Variants in PLXNC1 observed in about 807,000 individuals in gnomAD.
The protein encoded by PLXNC1 is plexin-C1.
A neutral mutation model predicts 178.2 loss-of-function variants in PLXNC1; 75 were observed. The observed-to-expected ratio is 0.42, with a 90% CI of 0.35 to 0.51. The LOEUF (loss-of-function observed/expected upper bound fraction) is 0.51. PLXNC1 is among the 20% of genes least tolerant of loss of function. The pLI, the probability that PLXNC1 is intolerant of heterozygous loss-of-function variation, is 0.02. For missense variants in PLXNC1, 1,503 were observed against 1,984.4 expected (o/e 0.76, Z 4.61); for synonymous variants, 790 against 779.9 (o/e 1.01, Z -0.22).
chr12:94,229,237 AT>A (rs1964026475), intron 9 of PLXNC1, among the ~76,000 whole-genome samples: 1 of 152,192 alleles, frequency 6.6e-6, no homozygotes, highest in Admixed American at 6.5e-5. Flanking sequence ...TCCTTTGCCC[AT>A]TTTTAAAATT....
At chr12:94,171,065 C>T (rs535632357) in intron 2 of PLXNC1, among the ~76,000 whole-genome samples, 38 of 152,324 alleles carry the variant, frequency 2.5e-4, no homozygotes, top group Non-Finnish European at 1.0e-4. Flanking sequence ...CCAACCAAAC[C>T]GCTACATGGT....
rs138251694 is a variant in PLXNC1 at position 94,161,246 on chromosome 12, C to T, written c.1063-7907C>T. 3.6e-3 allele frequency among the ~76,000 whole-genome samples: 554 copies of T among 152,236 alleles called. 1 individual carries two copies. Among genetic ancestry groups the T allele is most frequent in the Middle Eastern group, 0.017 (5 of 294 alleles). On this transcript the variant is annotated intron_variant, in intron 1 of 30. Transcript: ENST00000258526. ...GCATTTTATTTCAAAACTCATTTGA[C>T]TGGTTTATTTTGACAATAGGGAGTT...
At chr12:94,173,359 G>C (rs1234828997) in intron 2 of PLXNC1, among the ~76,000 whole-genome samples, 1 of 152,186 alleles carries the variant, frequency 6.6e-6, no homozygotes, top group African/African-American at 2.4e-5. Context: ...AGGTGGTAAA[G>C]TAAGTAATAA....
At chr12:94,181,651 A>C in intron 3 of PLXNC1, 71 bp downstream of exon 3, 2 of 1,322,240 alleles carry the variant, frequency 1.5e-6, no homozygotes, top group Non-Finnish European at 2.2e-6. Context: ...ATTATCTAGT[A>C]GCAAAGCTTT....
At chr12:94,167,913 AC>A (rs1214487185) in intron 1 of PLXNC1, 2 of 152,224 alleles carry the variant, frequency 1.3e-5, no homozygotes, top group Non-Finnish European at 2.9e-5. Context: ...TTGCAGCGCA[AC>A]CTCAACAAAG....
intron 15 of PLXNC1, among the ~76,000 whole-genome samples, chr12:94,252,126 G>A (rs892298756): frequency 1.3e-5 from 2 of 152,306 alleles, no homozygotes; most frequent in Admixed American, 6.5e-5. Flanking sequence ...AAATTGTGGT[G>A]ACAAATGTTC....
intron 9 of PLXNC1, among the ~76,000 whole-genome samples, chr12:94,232,475 T>G (rs1190655845): frequency 6.6e-6 from 1 of 152,140 alleles, no homozygotes; most frequent in African/African-American, 2.4e-5. Flanking sequence ...AAGAGTGAAA[T>G]TAAATTTCAC....
At chr12:94,206,667 T>A (rs942014990) in intron 4 of PLXNC1, among the ~76,000 whole-genome samples, 1 of 152,190 alleles carries the variant, frequency 6.6e-6, no homozygotes, top group Non-Finnish European at 1.5e-5. Flanking sequence ...TTGGGATAGA[T>A]CCTCAGTAGA....
chr12:94,217,392 A>G (rs1039077691), intron 5 of PLXNC1, among the ~76,000 whole-genome samples: 11 of 152,116 alleles, frequency 7.2e-5, no homozygotes, highest in African/African-American at 2.7e-4. Flanking sequence ...TCTGTAGACA[A>G]TCTTATTCAC....
intron 21 of PLXNC1, among the ~76,000 whole-genome samples, chr12:94,266,217 G>A (rs1965230951): frequency 6.6e-6 from 1 of 152,182 alleles, no homozygotes; most frequent in African/African-American, 2.4e-5. Flanking sequence ...GCGTGTTATG[G>A]TTATGTCCTC....
chr12:94,233,382 C>T (rs1964161327), intron 9 of PLXNC1, among the ~76,000 whole-genome samples: 1 of 152,186 alleles, frequency 6.6e-6, no homozygotes, highest in Admixed American at 6.5e-5. Flanking sequence ...AGCTGCCCTC[C>T]CTGGCCCTGG....
At chr12:94,233,672 G>C (rs985284081) in intron 9 of PLXNC1, among the ~76,000 whole-genome samples, 9 of 152,112 alleles carry the variant, frequency 5.9e-5, no homozygotes, top group Non-Finnish European at 1.2e-4. Flanking sequence ...TGTACCGAGG[G>C]GCCCCCGTGA....
At chr12:94,193,829 G>C (rs957657381) in intron 4 of PLXNC1, among the ~76,000 whole-genome samples, 1 of 152,102 alleles carries the variant, frequency 6.6e-6, no homozygotes, top group African/African-American at 2.4e-5. Flanking sequence ...AGTGTAGAAG[G>C]AGTGGCCTGT....
chr12:94,150,044 C>T lies in PLXNC1; in HGVS notation c.1062+11C>T, dbSNP rs564072845. ...GCCGAGAGCCACTGCGTAAGTCCTG[C>T]CCCCGGGGCGCCGCGGAGAGCGCTG... On this transcript the variant is annotated intron_variant, in intron 1 of 30. Coordinates refer to ENST00000258526, the MANE Select transcript of PLXNC1 (RefSeq NM_005761.3). The T allele has an allele frequency of 1.9e-6, 3 of 1,554,702 alleles. No homozygotes were observed. In the African/African-American group the frequency reaches 4.2e-5, roughly 22 times the overall value.
At chr12:94,177,172 T>TAA (rs1962100740) in intron 2 of PLXNC1, among the ~76,000 whole-genome samples, 1 of 60,138 alleles carries the variant, frequency 1.7e-5, no homozygotes, top group African/African-American at 8.5e-5. Flanking sequence ...TATATATATA[T>TAA]ATACGTATAT....
intron 26 of PLXNC1, among the ~76,000 whole-genome samples, chr12:94,297,914 C>T (rs1011338594): frequency 2.0e-5 from 3 of 152,062 alleles, no homozygotes; most frequent in Non-Finnish European, 2.9e-5. Context: ...AATACCAAAC[C>T]GAGAGCAAAT....
At position 94,202,289 on chromosome 12, in the gene PLXNC1, C is replaced by T. The variant is rs1963159752; in HGVS notation, c.1440-7301C>T. ...TCAATAAGAGAAGGAACTTAACTGGCTTATCCATGGAAGTGTCTGCAGTTC... is the reference window on the plus strand; with the variant it reads ...TCAATAAGAGAAGGAACTTAACTGGTTTATCCATGGAAGTGTCTGCAGTTC... On this transcript the variant is annotated intron_variant, in intron 4 of 30. Transcript: ENST00000258526. Among the ~76,000 whole-genome samples, 4 of 152,324 alleles carry T rather than the reference C, an allele frequency of 2.6e-5. No homozygotes were observed. The South Asian group carries it at 8.3e-4, about 32-fold the overall frequency.
At chr12:94,277,883 A>T (rs770084244) in intron 21 of PLXNC1, 32 of 454,862 alleles carry the variant, frequency 7.0e-5, no homozygotes, top group South Asian at 4.8e-4. Context: ...CGGTACTGTT[A>T]TTACACCCAT....
chr12:94,220,252 G>T (rs1445345791), intron 6 of PLXNC1, 89 bp downstream of exon 6: 1 of 1,302,224 alleles, frequency 7.7e-7, no homozygotes, highest in Non-Finnish European at 1.1e-6. Flanking sequence ...AATATGAATA[G>T]TTCCCCCTCT....
Sources: allele counts gnomAD v4.1 joint callset (sites outside exome capture counted in the v4.1 genomes callset), GRCh38; gene constraint gnomAD v4.1.1; transcripts MANE v1.5; gene names NCBI Gene and HGNC (gene_info 2026-07-23, HGNC 2026-07-21).